The following CDH18 variants were observed in gnomAD, a reference collection of about 807,000 sequenced individuals.
CDH18 encodes the protein cadherin-18.
A neutral mutation model predicts 67.9 loss-of-function variants in CDH18; 31 were observed. That is an observed-to-expected ratio of 0.46 (90% CI 0.34 to 0.62). The LOEUF (loss-of-function observed/expected upper bound fraction) is 0.62. Among genes scored for constraint, CDH18 ranks in the 20% least tolerant of loss-of-function variants. CDH18 has a pLI of 0.01. For synonymous variants in CDH18, 362 were observed against 347.2 expected, an observed-to-expected ratio of 1.04 and a Z score of -0.48; for missense variants, 890 against 975.5, an observed-to-expected ratio of 0.91 and a Z score of 1.17.
chr5:20,348,856 A>T (rs1440791621), intron 1 of CDH18, among the ~76,000 whole-genome samples: 1 of 152,124 alleles, frequency 6.6e-6, no homozygotes, highest in Admixed American at 6.6e-5. Flanking sequence ...TTCTCAAAAA[A>T]CTAAACAAAA....
At chr5:20,561,426 T>A (rs1758204329) in intron 1 of CDH18, among the ~76,000 whole-genome samples, 1 of 152,070 alleles carries the variant, frequency 6.6e-6, no homozygotes, top group African/African-American at 2.4e-5. Context: ...TTCCGTGCTA[T>A]AAAGAAATGA....
At chr5:19,575,030 C>T (rs1444888352) in intron 7 of CDH18, among the ~76,000 whole-genome samples, 1 of 151,972 alleles carries the variant, frequency 6.6e-6, no homozygotes, top group African/African-American at 2.4e-5. Flanking sequence ...CAGAGTCAGA[C>T]AAAAAACAAA....
intron 6 of CDH18, among the ~76,000 whole-genome samples, chr5:19,604,757 C>G (rs971213802): frequency 2.0e-5 from 3 of 151,964 alleles, no homozygotes; most frequent in Non-Finnish European, 4.4e-5. Context: ...CTTTACTGTT[C>G]TAAGAAATAT....
At position 20,450,571 on chromosome 5, in the gene CDH18, C is replaced by T. The variant is rs913707123; in HGVS notation, c.-580+124891G>A. Among the ~76,000 whole-genome samples, 4 of 152,018 alleles carry T rather than the reference C, an allele frequency of 2.6e-5. No individual in the cohort carries two copies. In the South Asian group the frequency reaches 6.2e-4, roughly 24 times the overall value. ...CTCATATCAAAAGAAAATGAGTACA[C>T]ACACGCATCCCCACACCACACAGAC... is the stretch of plus-strand genomic sequence containing the variant. On this transcript the variant is annotated intron_variant, in intron 1 of 14. Coordinates refer to the CDH18 transcript ENST00000507958.
intron 2 of CDH18, among the ~76,000 whole-genome samples, chr5:20,030,258 C>T (rs935625486): frequency 3.3e-5 from 5 of 152,110 alleles, no homozygotes; most frequent in African/African-American, 1.2e-4. Context: ...GGACTCTGAA[C>T]AGGACATCTC....
intron 3 of CDH18, among the ~76,000 whole-genome samples, chr5:19,781,835 G>A (rs997497356): frequency 6.6e-6 from 1 of 152,182 alleles, no homozygotes; most frequent in East Asian, 1.9e-4. Flanking sequence ...AAAACATTAA[G>A]TTTTTGACAT....
chr5:20,011,416 T>C (rs893178727), intron 2 of CDH18, among the ~76,000 whole-genome samples: 1 of 152,276 alleles, frequency 6.6e-6, no homozygotes, highest in African/African-American at 2.4e-5. Flanking sequence ...ATAGTTTGAC[T>C]TCCTCTCTTC....
chr5:20,527,794 C>G (rs971532905), intron 1 of CDH18, among the ~76,000 whole-genome samples: 1 of 152,084 alleles, frequency 6.6e-6, no homozygotes, highest in Admixed American at 6.6e-5. Flanking sequence ...CATTGCCAGC[C>G]ATTACAAAAA....
At chr5:20,489,251 T>A (rs767583891) in intron 1 of CDH18, among the ~76,000 whole-genome samples, 3 of 152,024 alleles carry the variant, frequency 2.0e-5, no homozygotes, top group Non-Finnish European at 4.4e-5. Context: ...CTCACAATTT[T>A]AAGCTAATGT....
intron 1 of CDH18, among the ~76,000 whole-genome samples, chr5:20,419,280 T>A (rs1036050048): frequency 1.1e-4 from 17 of 152,016 alleles, no homozygotes; most frequent in African/African-American, 4.1e-4. Context: ...ATTAAACCTC[T>A]TTTTCTACCG....
chr5:20,386,526 T>A (rs945575102), intron 1 of CDH18, among the ~76,000 whole-genome samples: 1 of 152,098 alleles, frequency 6.6e-6, no homozygotes, highest in Non-Finnish European at 1.5e-5. Flanking sequence ...ATAATAACAT[T>A]ACTAATATAT....
At chr5:19,483,750 T>A (rs1203369215) in intron 11 of CDH18, among the ~76,000 whole-genome samples, 198 bp from the exon 12 acceptor site, 1 of 152,062 alleles carries the variant, frequency 6.6e-6, no homozygotes. Flanking sequence ...GAAAAATTAA[T>A]ACAGCCACAC....
At chr5:19,935,928 G>A (rs1373584100) in intron 2 of CDH18, among the ~76,000 whole-genome samples, 1 of 149,184 alleles carries the variant, frequency 6.7e-6, no homozygotes, top group Non-Finnish European at 1.5e-5. Flanking sequence ...AGTCACACCT[G>A]TTAGTACTGT....
At chr5:19,758,092 T>C (rs1771848528) in intron 3 of CDH18, among the ~76,000 whole-genome samples, 1 of 152,122 alleles carries the variant, frequency 6.6e-6, no homozygotes, top group South Asian at 2.1e-4. Context: ...CCATGGGCAT[T>C]TGAGCCACTT....
At chr5:19,831,353 T>A (rs946233600) in intron 3 of CDH18, among the ~76,000 whole-genome samples, 2 of 151,528 alleles carry the variant, frequency 1.3e-5, no homozygotes, top group Non-Finnish European at 2.9e-5. Flanking sequence ...TGGGAGAAAA[T>A]TTTTGCAAAC....
intron 2 of CDH18, among the ~76,000 whole-genome samples, chr5:20,024,970 A>G (rs987835342): frequency 1.3e-5 from 2 of 152,142 alleles, no homozygotes; most frequent in African/African-American, 4.8e-5. Context: ...ATTGTGGCTT[A>G]TCTACCAATA....
intron 1 of CDH18, among the ~76,000 whole-genome samples, chr5:20,257,592 C>A (rs959971356): frequency 6.6e-6 from 1 of 151,958 alleles, no homozygotes; most frequent in African/African-American, 2.4e-5. Context: ...TAATATCTGA[C>A]AAAAGAAAAT....
intron 9 of CDH18, among the ~76,000 whole-genome samples, chr5:19,539,714 A>T (rs566857099): frequency 6.1e-4 from 93 of 152,208 alleles, no homozygotes; most frequent in Non-Finnish European, 1.2e-3. Flanking sequence ...GCCTGTGCAG[A>T]ACTCCCCTTT....
intron 3 of CDH18, among the ~76,000 whole-genome samples, chr5:19,769,281 A>G (rs1160720104): frequency 1.3e-5 from 2 of 152,116 alleles, no homozygotes; most frequent in Non-Finnish European, 2.9e-5. Context: ...CCTAGAAGAC[A>G]AAACAAAGCC....
Sources: allele counts gnomAD v4.1 joint callset (sites outside exome capture counted in the v4.1 genomes callset), GRCh38; gene constraint gnomAD v4.1.1; transcripts MANE v1.5; gene names NCBI Gene and HGNC (gene_info 2026-07-23, HGNC 2026-07-21).